The following ATP2C2 variants were observed in gnomAD, a reference collection of about 807,000 sequenced individuals.
The protein encoded by ATP2C2 is calcium-transporting ATPase type 2C member 2.
A neutral mutation model predicts 110.8 loss-of-function variants in ATP2C2; 171 were observed. The observed-to-expected ratio is 1.54, with a 90% confidence interval of 1.36 to 1.75. The LOEUF (loss-of-function observed/expected upper bound fraction) is 1.75. Ranked by LOEUF, ATP2C2 falls within the 40% of genes most tolerant of loss-of-function variation. The probability of loss-of-function intolerance (pLI) is 0.00; values close to 1 mark genes in which losing one functional copy is unlikely to be tolerated. For missense variants in ATP2C2, 1,963 were observed against 1,235.0 expected, an observed-to-expected ratio of 1.59 and a Z score of -8.84; for synonymous variants, 804 against 508.4, an observed-to-expected ratio of 1.58 and a Z score of -7.82.
At chr16:84,374,867 C>T (rs1482413174) in intron 1 of ATP2C2, among the ~76,000 whole-genome samples, 1 of 152,110 alleles carries the variant, frequency 6.6e-6, no homozygotes, top group Non-Finnish European at 1.5e-5. Flanking sequence ...TTTATTGCCA[C>T]CCCACCTAAT....
chr16:84,406,349 C>T (rs1045409098), intron 3 of ATP2C2, among the ~76,000 whole-genome samples: 1 of 152,238 alleles, frequency 6.6e-6, no homozygotes, highest in African/African-American at 2.4e-5. Context: ...TTTCCAGGTG[C>T]CTGAGGGCAT....
At chr16:84,397,004 A>C (rs1040134797) in intron 1 of ATP2C2, among the ~76,000 whole-genome samples, 2 of 151,828 alleles carry the variant, frequency 1.3e-5, no homozygotes, top group African/African-American at 4.9e-5. Context: ...TGCAATCTCT[A>C]TTACAGCTAA....
rs1056482109 is a variant in ATP2C2, at chr16:84,452,871, C to T, written c.1832-267C>T. Among the ~76,000 whole-genome samples, 11 of 152,188 alleles carry T rather than the reference C, an allele frequency of 7.2e-5. No individual in the cohort carries two copies. The South Asian group carries it at 1.0e-3, about 14-fold the overall frequency. On this transcript the variant is annotated intron_variant, in intron 18 of 26. Coordinates refer to ENST00000262429, the MANE Select transcript of ATP2C2 (RefSeq NM_014861.4). ...GGTTCACGGGCTTTGGAATCAGAGC[C>T]GTGTCAGGTTCCAGTGTTACTCCTT...
intron 15 of ATP2C2, among the ~76,000 whole-genome samples, chr16:84,443,795 G>A (rs1909487624): frequency 6.6e-6 from 1 of 152,128 alleles, no homozygotes; most frequent in South Asian, 2.1e-4. Flanking sequence ...CCCAAAGCTG[G>A]TGCTGGGCGG....
intron 1 of ATP2C2, among the ~76,000 whole-genome samples, chr16:84,395,421 C>A (rs1337056319): frequency 6.6e-6 from 1 of 151,726 alleles, no homozygotes; most frequent in Non-Finnish European, 1.5e-5. Context: ...GGGGCACATG[C>A]TAGTCCTGCC....
At chr16:84,411,965 C>T (rs548084239) in intron 6 of ATP2C2, among the ~76,000 whole-genome samples, 9 of 148,528 alleles carry the variant, frequency 6.1e-5, no homozygotes, top group African/African-American at 2.2e-4. Flanking sequence ...TTCTTTCTTT[C>T]CTTTCTCTTC....
chr16:84,425,834 AG>A, intron 11 of ATP2C2, 33 bp downstream of exon 11: 3 of 1,609,252 alleles, frequency 1.9e-6, no homozygotes, highest in East Asian at 4.5e-5. Flanking sequence ...TTGCCTTGCC[AG>A]GGTGGTCAAT....
chr16:84,425,208 T>C (rs1907703402), intron 10 of ATP2C2, among the ~76,000 whole-genome samples: 1 of 152,196 alleles, frequency 6.6e-6, no homozygotes, highest in African/African-American at 2.4e-5. Flanking sequence ...ACCACCCACC[T>C]TCCCAGTCCC....
At chr16:84,452,235 T>C (rs1910354198) in intron 18 of ATP2C2, 144 bp downstream of exon 18, 6 of 1,042,842 alleles carry the variant, frequency 5.8e-6, no homozygotes, top group East Asian at 2.6e-5. Context: ...CGCTGAGTAT[T>C]CGTGTGCCAG....
rs538358493 is a variant in ATP2C2 at position 84,442,548 on chromosome 16, C to T, written c.1350C>T (p.Asn450=). ...CVANNAVIRK[N]AVMGQPTEGA... Reference sequence around the variant, plus strand: ...CCAACAATGCGGTCATCAGAAAGAACGCCGTGATGGGGCAGCCCACCGAGG... The same window carrying T: ...CCAACAATGCGGTCATCAGAAAGAATGCCGTGATGGGGCAGCCCACCGAGG... Residue 450 remains asparagine, a synonymous_variant, in exon 15 of 27, where the codon AAC becomes AAT. Coordinates refer to ENST00000262429, the MANE Select transcript of ATP2C2 (RefSeq NM_014861.4). The T allele has an allele frequency of 3.2e-5, 52 of 1,613,908 alleles. No homozygotes were observed. The highest frequency in any genetic ancestry group is 2.3e-4 in the African/African-American group (17 of 74,984).
chr16:84,374,471 T>G (rs1184916269), intron 1 of ATP2C2, among the ~76,000 whole-genome samples: 2 of 152,212 alleles, frequency 1.3e-5, no homozygotes, highest in Non-Finnish European at 2.9e-5. Context: ...CATTCAAGGT[T>G]AATAAGTTCT....
intron 1 of ATP2C2, among the ~76,000 whole-genome samples, chr16:84,369,060 C>G (rs1386383522): frequency 6.6e-6 from 1 of 152,236 alleles, no homozygotes; most frequent in East Asian, 1.9e-4. Flanking sequence ...GGTCTCCAGA[C>G]TTGGGCTGCT....
chr16:84,460,766 A>T lies in ATP2C2; in HGVS notation c.2446A>T (p.Ile816Phe), dbSNP rs201708031. Residue 816 changes from isoleucine to phenylalanine, a missense_variant, in exon 24 of 27, where the codon ATC (isoleucine) becomes TTC (phenylalanine). Coordinates refer to ENST00000262429, the MANE Select transcript of ATP2C2 (RefSeq NM_014861.4). ...GAAGATCCTCATGTCCGCGGCCATC[A>T]TCATCAGCGGGACCCTCTTTATCTT... is the stretch of plus-strand genomic sequence containing the variant. ...ILKILMSAAIIISGTLFIFWK... is the reference protein window; with the variant it reads ...ILKILMSAAIFISGTLFIFWK... 31 of 1,613,858 alleles carry T rather than the reference A, an allele frequency of 1.9e-5. No homozygotes were observed. Among genetic ancestry groups the T allele is most frequent in the Non-Finnish European group, 2.5e-5 (30 of 1,179,900 alleles).
chr16:84,411,005 C>A, intron 6 of ATP2C2: 1 of 559,694 alleles, frequency 1.8e-6, no homozygotes, highest in Non-Finnish European at 3.2e-6. Context: ...GGTGCCTAGC[C>A]TGAGGACCAC....
chr16:84,462,572 G>C (rs2241635), intron 26 of ATP2C2: 25,324 of 158,722 alleles, frequency 0.16, 2,587 homozygotes, highest in East Asian at 0.53. Flanking sequence ...GGCTGAAAGG[G>C]ACATGATTCA....
intron 2 of ATP2C2, among the ~76,000 whole-genome samples, chr16:84,399,100 C>T (rs1013594270): frequency 6.6e-6 from 1 of 152,188 alleles, no homozygotes; most frequent in Admixed American, 6.5e-5. Flanking sequence ...TGAATTAATT[C>T]CTGGCCAGTG....
intron 11 of ATP2C2, among the ~76,000 whole-genome samples, chr16:84,435,559 C>T (rs904345693): frequency 6.6e-6 from 1 of 152,214 alleles, no homozygotes; most frequent in Non-Finnish European, 1.5e-5. Flanking sequence ...AGCTTGGAGG[C>T]TCATGCCTGT....
intron 7 of ATP2C2, among the ~76,000 whole-genome samples, chr16:84,419,428 C>G (rs951655974): frequency 6.6e-6 from 1 of 152,088 alleles, no homozygotes; most frequent in Non-Finnish European, 1.5e-5. Context: ...TGAGGACCCT[C>G]GTGATCTCAC....
intron 1 of ATP2C2, among the ~76,000 whole-genome samples, chr16:84,392,199 A>C (rs1448272643): frequency 6.6e-6 from 1 of 152,162 alleles, no homozygotes; most frequent in Admixed American, 6.5e-5. Context: ...TTTTGACACA[A>C]ATCTCAGGCT....
Sources: allele counts gnomAD v4.1 joint callset (sites outside exome capture counted in the v4.1 genomes callset), GRCh38; gene constraint gnomAD v4.1.1; transcripts MANE v1.5; gene names NCBI Gene and HGNC (gene_info 2026-07-23, HGNC 2026-07-21).